The following ABCA12 variants were observed in gnomAD, a reference collection of about 807,000 sequenced individuals.
ABCA12 encodes glucosylceramide transporter ABCA12.
Under a neutral mutation model 293.5 loss-of-function variants are expected in ABCA12, and 156 were observed. The observed-to-expected ratio is 0.53, with a 90% CI of 0.47 to 0.61. The LOEUF (loss-of-function observed/expected upper bound fraction) is 0.61. Among genes scored for constraint, ABCA12 ranks in the 20% least tolerant of loss-of-function variants. The probability of loss-of-function intolerance (pLI) is 0.00; values close to 1 mark genes in which losing one functional copy is unlikely to be tolerated. For missense variants in ABCA12, 2,797 were observed against 3,090.2 expected (o/e 0.91, Z 2.25); for synonymous variants, 1,063 against 1,108.0 (o/e 0.96, Z 0.81).
chr2:214,934,051 G>A (rs762659425), intron 52 of ABCA12, 27 bp downstream of exon 52: 3 of 1,601,466 alleles, frequency 1.9e-6, no homozygotes, highest in South Asian at 2.2e-5. Context: ...GTGACGTTGT[G>A]CACATGGATC....
At chr2:215,131,843 G>GAGCTTTCT (rs1264055108) in intron 1 of ABCA12, among the ~76,000 whole-genome samples, 4 of 150,954 alleles carry the variant, frequency 2.6e-5, no homozygotes, top group African/African-American at 9.7e-5. Flanking sequence ...GTTAATTTGA[G>GAGCTTTCT]AGCTTTCTAT....
intron 1 of ABCA12, among the ~76,000 whole-genome samples, chr2:215,114,828 G>A (rs950110182): frequency 6.6e-6 from 1 of 152,056 alleles, no homozygotes; most frequent in African/African-American, 2.4e-5. Context: ...TGTATTTGAG[G>A]TCATAGTTAT....
At chr2:215,136,417 T>C (rs1422207597) in intron 1 of ABCA12, among the ~76,000 whole-genome samples, 3 of 152,124 alleles carry the variant, frequency 2.0e-5, no homozygotes, top group Non-Finnish European at 4.4e-5. Flanking sequence ...AAAGATAAAA[T>C]TTCTCAATGA....
At chr2:215,084,772 A>G (rs188988269) in intron 2 of ABCA12, among the ~76,000 whole-genome samples, 11 of 152,260 alleles carry the variant, frequency 7.2e-5, no homozygotes, top group Admixed American at 2.0e-4. Flanking sequence ...CACCTGTCAC[A>G]ATATGATTGG....
chr2:214,948,546 T>C, intron 47 of ABCA12, 50 bp downstream of exon 47: 1 of 1,602,828 alleles, frequency 6.2e-7, no homozygotes, highest in Non-Finnish European at 8.5e-7. Flanking sequence ...GGGATGGAAG[T>C]AGAAACAATA....
intron 8 of ABCA12, among the ~76,000 whole-genome samples, chr2:215,034,114 C>T (rs1700941362): frequency 6.6e-6 from 1 of 151,998 alleles, no homozygotes; most frequent in Non-Finnish European, 1.5e-5. Flanking sequence ...TACTATTTTG[C>T]AAAAGAGCAA....
intron 1 of ABCA12, among the ~76,000 whole-genome samples, chr2:215,119,754 GA>G (rs1702764999): frequency 7.8e-6 from 1 of 127,556 alleles, no homozygotes; most frequent in African/African-American, 4.3e-5. Context: ...AAAAAAAAAT[GA>G]AAACAAAACA....
chr2:215,060,478 G>A (rs778445790), intron 3 of ABCA12, among the ~76,000 whole-genome samples: 1 of 151,772 alleles, frequency 6.6e-6, no homozygotes, highest in African/African-American at 2.4e-5. Context: ...TAAATTACAT[G>A]TAATTATGTT....
At chr2:214,959,211 T>A in intron 39 of ABCA12, 133 bp from the exon 40 acceptor site, 7 of 796,878 alleles carry the variant, frequency 8.8e-6, no homozygotes. Context: ...ACCTTTTTTT[T>A]TTAAAGGAAA....
intron 38 of ABCA12, among the ~76,000 whole-genome samples, chr2:214,967,762 G>A (rs1446175665): frequency 1.3e-5 from 2 of 152,084 alleles, no homozygotes; most frequent in African/African-American, 4.8e-5. Context: ...CAGAAAATTA[G>A]GTAGTTTGTG....
At chr2:215,049,358 C>G (rs977743160) in intron 6 of ABCA12, among the ~76,000 whole-genome samples, 2 of 152,136 alleles carry the variant, frequency 1.3e-5, no homozygotes, top group Non-Finnish European at 2.9e-5. Context: ...ACTTCATTTA[C>G]TGTAGAGCAA....
Position 214,931,650 on chromosome 2 carries a change from C to T in ABCA12, c.*984G>A, listed in dbSNP as rs983871659. 1 of 152,656 alleles carries T rather than the reference C, an allele frequency of 6.6e-6. No individual in the cohort carries two copies. Among genetic ancestry groups the T allele is most frequent in the Non-Finnish European group, 1.5e-5 (1 of 68,080 alleles). 9.5% of individuals were successfully genotyped at this position (152,656 alleles called of 1,614,324 possible). A position where few individuals can be genotyped will look rare whatever the true frequency, so the allele number is the denominator to read the frequency against. On this transcript the variant is annotated 3_prime_UTR_variant, in exon 53 of 53. Transcript: ENST00000272895. Reference sequence around the variant, plus strand: ...ATACACGCACACACGGTACATAAAGCACCTTTCCCCAGGGCCACGTCACTT... The same window carrying T: ...ATACACGCACACACGGTACATAAAGTACCTTTCCCCAGGGCCACGTCACTT...
At chr2:215,104,155 C>T (rs372120711) in intron 2 of ABCA12, among the ~76,000 whole-genome samples, 1 of 152,242 alleles carries the variant, frequency 6.6e-6, no homozygotes, top group East Asian at 1.9e-4. Flanking sequence ...ATTTGGTTCC[C>T]ATGGCCGATT....
At chr2:214,984,850 C>T (rs188401539) in intron 28 of ABCA12, among the ~76,000 whole-genome samples, 3 of 152,266 alleles carry the variant, frequency 2.0e-5, no homozygotes, top group African/African-American at 4.8e-5. Flanking sequence ...CTCTACTTCC[C>T]GCATGCTCTT....
At chr2:214,948,521 G>A (rs1207354713) in intron 47 of ABCA12, 75 bp downstream of exon 47, 6 of 1,491,890 alleles carry the variant, frequency 4.0e-6, no homozygotes, top group Non-Finnish European at 5.5e-6. Flanking sequence ...GGGGACAGTG[G>A]GTGTGGTGGG....
intron 3 of ABCA12, 125 bp downstream of exon 3, chr2:215,063,941 C>T: frequency 8.7e-7 from 1 of 1,144,726 alleles, no homozygotes; most frequent in East Asian, 2.4e-5. Context: ...ATATTTAGAT[C>T]ATCACATTTA....
chr2:214,961,906 C>G (rs1322522286), intron 39 of ABCA12: 1 of 152,160 alleles, frequency 6.6e-6, no homozygotes, highest in South Asian at 2.1e-4. Context: ...ACTCTTCGGT[C>G]TACTTCTACA....
intron 50 of ABCA12, among the ~76,000 whole-genome samples, chr2:214,938,427 A>T (rs1275275209): frequency 6.6e-6 from 1 of 152,194 alleles, no homozygotes; most frequent in Non-Finnish European, 1.5e-5. Flanking sequence ...GTAAACATAC[A>T]TGTGCATGTG....
At chr2:215,026,771 C>A (rs1378612150) in intron 10 of ABCA12, 49 bp downstream of exon 10, 1 of 1,463,708 alleles carries the variant, frequency 6.8e-7, no homozygotes, top group Admixed American at 1.7e-5. Context: ...TACTTTAGAA[C>A]AGAGGTAGAA....
Sources: allele counts gnomAD v4.1 joint callset (sites outside exome capture counted in the v4.1 genomes callset), GRCh38; gene constraint gnomAD v4.1.1; transcripts MANE v1.5; gene names NCBI Gene and HGNC (gene_info 2026-07-23, HGNC 2026-07-21).